Variants in CNGA1 observed in about 807,000 individuals in gnomAD.
The protein encoded by CNGA1 is cyclic nucleotide gated channel subunit alpha 1, also known as cyclic nucleotide-gated channel alpha-1.
In CNGA1, 53 loss-of-function variants were observed where a neutral mutation model predicts 69.7. The observed-to-expected ratio is 0.76, with a 90% CI of 0.61 to 0.96. The LOEUF (loss-of-function observed/expected upper bound fraction) is 0.96. Among genes scored for constraint, CNGA1 ranks in the 40% least tolerant of loss-of-function variants. The pLI, the probability that CNGA1 is intolerant of heterozygous loss-of-function variation, is 0.00. For missense variants in CNGA1, 739 were observed against 811.2 expected (o/e 0.91, Z 1.08); for synonymous variants, 249 against 283.5 (o/e 0.88, Z 1.22).
At chr4:47,949,779 T>A in intron 6 of CNGA1, 54 bp downstream of exon 6, 1 of 1,345,258 alleles carries the variant, frequency 7.4e-7, no homozygotes, top group Non-Finnish European at 1.1e-6. Context: ...TCCTACATTT[T>A]TACTGGTTTT....
At chr4:48,003,082 A>T (rs1553871984) in intron 2 of CNGA1, among the ~76,000 whole-genome samples, 1 of 152,192 alleles carries the variant, frequency 6.6e-6, no homozygotes, top group Non-Finnish European at 1.5e-5. Flanking sequence ...TCCTGATGAC[A>T]TGTGCCCAAG....
chr4:47,939,966 T>C (rs1244452897), intron 10 of CNGA1, among the ~76,000 whole-genome samples: 1 of 152,228 alleles, frequency 6.6e-6, no homozygotes, highest in Non-Finnish European at 1.5e-5. Context: ...ATGTGAAGCA[T>C]AAGTGTCCTT....
chr4:47,999,768 G>A (rs1266455782), intron 2 of CNGA1, among the ~76,000 whole-genome samples: 9 of 152,174 alleles, frequency 5.9e-5, no homozygotes, highest in Non-Finnish European at 7.4e-5. Context: ...CTACCCAGGA[G>A]GCTGAGGTAG....
At chr4:47,966,490 A>G (rs1740731485) in intron 3 of CNGA1, among the ~76,000 whole-genome samples, 1 of 152,176 alleles carries the variant, frequency 6.6e-6, no homozygotes. Context: ...CAGAATCTGA[A>G]TAAGGTATGG....
chr4:47,976,304 TATATATATAC>T (rs574812799), intron 3 of CNGA1, among the ~76,000 whole-genome samples: 6 of 29,934 alleles, frequency 2.0e-4, no homozygotes, highest in East Asian at 1.9e-3. Flanking sequence ...TACACATACA[TATATATATAC>T]ATATATATGT....
At position 47,943,213 on chromosome 4, in the gene CNGA1, C is replaced by G; in HGVS notation, c.405G>C (p.Lys135Asn). Residue 135 changes from lysine to asparagine, a missense_variant, in exon 8 of 11, where the codon AAG becomes AAC. Coordinates refer to ENST00000514170, the MANE Select transcript of CNGA1 (RefSeq NM_001379270.1). ...KKKKKDKEKKKKEEKSKDKKE... is the reference protein window; with the variant it reads ...KKKKKDKEKKNKEEKSKDKKE... Reference sequence around the variant, plus strand: ...TCTTATCTTTGCTTTTCTCCTCTTTCTTTTTCTTCTCTTTGTCCTTTTTCT... The same window carrying G: ...TCTTATCTTTGCTTTTCTCCTCTTTGTTTTTCTTCTCTTTGTCCTTTTTCT... 6.2e-7 allele frequency: 1 copy of G among 1,607,538 alleles called. No homozygotes were observed.
intron 3 of CNGA1, among the ~76,000 whole-genome samples, chr4:47,976,168 T>C (rs1261195035): frequency 5.0e-5 from 3 of 59,836 alleles, no homozygotes; most frequent in East Asian, 5.3e-4. Flanking sequence ...TATATATATA[T>C]ATACACATAC....
At chr4:47,996,946 G>C in intron 2 of CNGA1, among the ~76,000 whole-genome samples, 1 of 152,080 alleles carries the variant, frequency 6.6e-6, no homozygotes, top group African/African-American at 2.4e-5. Context: ...TAGTCCCCCA[G>C]CTACTCAGGA....
intron 3 of CNGA1, among the ~76,000 whole-genome samples, chr4:47,957,560 C>CAGTG (rs1257793122): frequency 6.6e-6 from 1 of 152,096 alleles, no homozygotes; most frequent in African/African-American, 2.4e-5. Flanking sequence ...GTTGAGGCTG[C>CAGTG]AGTGAGCTGT....
intron 3 of CNGA1, among the ~76,000 whole-genome samples, chr4:47,971,684 A>T (rs1349388293): frequency 6.6e-6 from 1 of 152,138 alleles, no homozygotes. Context: ...ATTTGAGGTA[A>T]GGAGTTTCAG....
intron 2 of CNGA1, among the ~76,000 whole-genome samples, chr4:48,005,829 A>G (rs1714893096): frequency 6.6e-6 from 1 of 152,250 alleles, no homozygotes; most frequent in Admixed American, 6.5e-5. Flanking sequence ...AGTTTCTCCA[A>G]TTGTGTCCTG....
intron 6 of CNGA1, among the ~76,000 whole-genome samples, chr4:47,946,144 G>A (rs1419425736): frequency 6.6e-6 from 1 of 152,062 alleles, no homozygotes; most frequent in East Asian, 1.9e-4. Context: ...AAAAAGAAAT[G>A]CCATCCTTAA....
chr4:47,940,368 C>A (rs993964590), intron 10 of CNGA1, among the ~76,000 whole-genome samples: 2 of 152,166 alleles, frequency 1.3e-5, no homozygotes, highest in Middle Eastern at 3.2e-3. Flanking sequence ...CATTTTTCCT[C>A]CTTCTTATAA....
chr4:47,987,991 TC>T (rs1742060921), intron 2 of CNGA1, among the ~76,000 whole-genome samples: 1 of 152,076 alleles, frequency 6.6e-6, no homozygotes, highest in African/African-American at 2.4e-5. Flanking sequence ...AGAAGATAGA[TC>T]AGGTGGAGAA....
At chr4:47,961,910 G>A (rs1366042431) in intron 3 of CNGA1, among the ~76,000 whole-genome samples, 1 of 152,026 alleles carries the variant, frequency 6.6e-6, no homozygotes, top group Non-Finnish European at 1.5e-5. Flanking sequence ...TTGACTATGC[G>A]AACCTTCAAT....
At chr4:47,947,530 C>T (rs1016352366) in intron 6 of CNGA1, among the ~76,000 whole-genome samples, 3 of 151,926 alleles carry the variant, frequency 2.0e-5, no homozygotes, top group Admixed American at 1.3e-4. Flanking sequence ...ATTAGCCAGG[C>T]GTGGTGGCTC....
chr4:47,938,710 T>C (rs1273607079), intron 10 of CNGA1, among the ~76,000 whole-genome samples: 3 of 151,896 alleles, frequency 2.0e-5, no homozygotes, highest in Non-Finnish European at 4.4e-5. Context: ...TCTTTTGTTG[T>C]GGTATTTGGT....
intron 2 of CNGA1, among the ~76,000 whole-genome samples, chr4:47,996,620 G>C (rs1176268928): frequency 6.6e-6 from 1 of 152,080 alleles, no homozygotes; most frequent in South Asian, 2.1e-4. Context: ...AGTTCCTGGA[G>C]CTTATTATTA....
At chr4:47,999,196 ATC>A (rs1383920533) in intron 2 of CNGA1, among the ~76,000 whole-genome samples, 4 of 152,238 alleles carry the variant, frequency 2.6e-5, no homozygotes, top group African/African-American at 9.6e-5. Flanking sequence ...TCAGGTGTTA[ATC>A]TCTTTCCATG....
Sources: allele counts gnomAD v4.1 joint callset (sites outside exome capture counted in the v4.1 genomes callset), GRCh38; gene constraint gnomAD v4.1.1; transcripts MANE v1.5; gene names NCBI Gene and HGNC (gene_info 2026-07-23, HGNC 2026-07-21).